CCNH: variants seen among roughly 807,000 people sequenced by gnomAD.
CCNH encodes the protein cyclin H.
Under a neutral mutation model 41.9 loss-of-function variants are expected in CCNH, and 31 were observed. That is an observed-to-expected ratio of 0.74 (90% CI 0.56 to 1.00). CCNH has a LOEUF of 1.00. CCNH is among the 50% of genes least tolerant of loss of function. The probability of loss-of-function intolerance (pLI) is 0.00; values close to 1 mark genes in which losing one functional copy is unlikely to be tolerated. For synonymous variants in CCNH, 138 were observed against 136.1 expected (o/e 1.01, Z -0.10); for missense variants, 362 against 388.4 (o/e 0.93, Z 0.57).
chr5:87,379,726 T>C, upstream of CCNH: 1 of 1,611,334 alleles, frequency 6.2e-7, no homozygotes. Flanking sequence ...GATTTATTCC[T>C]TCTTTTAGTT....
the CCNH span, among the ~76,000 whole-genome samples, chr5:87,313,269 G>A: frequency 6.6e-6 from 1 of 152,178 alleles, no homozygotes. Flanking sequence ...ATATCTTTGA[G>A]GTGGCTGAAT....
intron 3 of CCNH, among the ~76,000 whole-genome samples, chr5:87,408,562 A>G (rs1763977091): frequency 6.6e-6 from 1 of 152,208 alleles, no homozygotes; most frequent in Non-Finnish European, 1.5e-5. Context: ...CATATGTACC[A>G]TGTAAGTATG....
At chr5:87,401,375 T>G (rs966528380) in intron 6 of CCNH, among the ~76,000 whole-genome samples, 4 of 152,142 alleles carry the variant, frequency 2.6e-5, no homozygotes, top group African/African-American at 9.6e-5. Context: ...ACATTATCCT[T>G]AAGTTATTTC....
At chr5:87,411,606 G>A (rs1163106051) in intron 1 of CCNH, among the ~76,000 whole-genome samples, 2 of 152,088 alleles carry the variant, frequency 1.3e-5, no homozygotes. Context: ...AAACAATCAT[G>A]ACAGGCTGTG....
chr5:87,327,995 C>T (rs1031202794), intron 9 of CCNH, among the ~76,000 whole-genome samples: 1 of 151,498 alleles, frequency 6.6e-6, no homozygotes, highest in African/African-American at 2.4e-5. Context: ...GAGAGAACTT[C>T]CTATGTGGAC....
intron 9 of CCNH, among the ~76,000 whole-genome samples, chr5:87,344,077 G>C (rs1029468068): frequency 2.6e-5 from 4 of 152,114 alleles, no homozygotes; most frequent in African/African-American, 9.7e-5. Context: ...AAGGGTAGCA[G>C]GGAAGGGGGG....
chr5:87,393,893 A>T (rs1386666826), downstream of CCNH: 2 of 152,272 alleles, frequency 1.3e-5, no homozygotes, highest in Admixed American at 1.3e-4. Context: ...ATTCAAAATC[A>T]TATATCTGGT....
chr5:87,338,911 G>T (rs569585068), intron 9 of CCNH, among the ~76,000 whole-genome samples: 8 of 151,678 alleles, frequency 5.3e-5, no homozygotes, highest in Admixed American at 3.3e-4. Context: ...CATATAATAC[G>T]TTATCATGGT....
chr5:87,371,622 A>G (rs111780271), downstream of CCNH, among the ~76,000 whole-genome samples: 1 of 152,040 alleles, frequency 6.6e-6, no homozygotes, highest in Non-Finnish European at 1.5e-5. Flanking sequence ...ATACATTTCT[A>G]CCTGTATCAT....
intron 9 of CCNH, among the ~76,000 whole-genome samples, chr5:87,358,630 T>G (rs1759838478): frequency 6.6e-6 from 1 of 152,182 alleles, no homozygotes; most frequent in African/African-American, 2.4e-5. Flanking sequence ...TGTCAGATCG[T>G]GTTACTCCTC....
rs764814633 is a variant in CCNH, at chr5:87,395,096, CTCT to C, written c.878_880del (p.Lys293del). 2.5e-6 allele frequency: 4 copies of C among 1,610,476 alleles called. No homozygotes were observed. Among genetic ancestry groups the C allele is most frequent in the African/African-American group, 2.7e-5 (2 of 74,782 alleles). ...GTAATCATCATCTTCATAGCCTTTCCTCTTCTTCCTATAATTAAGCAACTATCA... is the reference window on the plus strand; with the variant it reads ...GTAATCATCATCTTCATAGCCTTTCCTCTTCCTATAATTAAGCAACTATCA... On this transcript the variant is annotated inframe_deletion, in exon 8 of 9. Transcript: ENST00000256897.
intron 9 of CCNH, among the ~76,000 whole-genome samples, chr5:87,382,357 T>C (rs761466552): frequency 1.3e-5 from 2 of 152,166 alleles, no homozygotes; most frequent in East Asian, 1.9e-4. Flanking sequence ...TGCTAAGAAA[T>C]TGGGTAATCC....
At chr5:87,394,136 T>G (rs1163898947), downstream of CCNH, 1 of 556,042 alleles carries the variant, frequency 1.8e-6, no homozygotes, top group Non-Finnish European at 2.4e-6. Flanking sequence ...TAAGTTTTGT[T>G]TTTTGTGGTG....
intron 9 of CCNH, among the ~76,000 whole-genome samples, chr5:87,359,199 A>C (rs1476761480): frequency 6.6e-6 from 1 of 152,156 alleles, no homozygotes; most frequent in Non-Finnish European, 1.5e-5. Flanking sequence ...TTAAGTGACA[A>C]AGCTAGGATC....
Position 87,352,209 on chromosome 5 carries a change from T to A in CCNH, c.*91-33312A>T, listed in dbSNP as rs558454965. ...ATTAAGTTCATTCATACACTACTAG[T>A]TAACTTTTCAGGTCCTTTTGTTTTG... On this transcript the variant is annotated intron_variant and NMD_transcript_variant, in intron 9 of 9. Transcript: ENST00000645953. Among the ~76,000 whole-genome samples, 46 of 151,868 alleles carry A rather than the reference T, an allele frequency of 3.0e-4. No individual in the cohort carries two copies. In the South Asian group the frequency reaches 7.9e-3, roughly 26 times the overall value.
downstream of CCNH, chr5:87,394,121 G>C: frequency 2.8e-6 from 1 of 358,444 alleles, no homozygotes; most frequent in Non-Finnish European, 4.1e-6. Context: ...TTTAAAGCTG[G>C]CTACTAAGTT....
At chr5:87,384,835 C>T (rs945939439) in intron 9 of CCNH, among the ~76,000 whole-genome samples, 1 of 151,988 alleles carries the variant, frequency 6.6e-6, no homozygotes, top group Admixed American at 6.6e-5. Context: ...AGCAGAGGTC[C>T]TAGACTTTAT....
intron 9 of CCNH, among the ~76,000 whole-genome samples, chr5:87,338,511 A>ATC (rs1758151871): frequency 1.1e-5 from 1 of 91,188 alleles, no homozygotes; most frequent in African/African-American, 4.0e-5. Context: ...TTATATATAT[A>ATC]TATATATATA....
downstream of CCNH, among the ~76,000 whole-genome samples, chr5:87,387,759 G>C (rs999915584): frequency 6.6e-6 from 1 of 152,140 alleles, no homozygotes; most frequent in Non-Finnish European, 1.5e-5. Flanking sequence ...ACTAGTGTAT[G>C]AAAAATTATG....
Sources: allele counts gnomAD v4.1 joint callset (sites outside exome capture counted in the v4.1 genomes callset), GRCh38; gene constraint gnomAD v4.1.1; transcripts MANE v1.5; gene names NCBI Gene and HGNC (gene_info 2026-07-23, HGNC 2026-07-21).